FAM117B: variants seen among roughly 807,000 people sequenced by gnomAD.
The protein encoded by FAM117B is protein FAM117B.
A neutral mutation model predicts 52.8 loss-of-function variants in FAM117B; 22 were observed. The observed-to-expected ratio is 0.42, with a 90% CI of 0.30 to 0.59. FAM117B has a LOEUF of 0.59. Ranked by LOEUF, FAM117B falls within the 20% of genes least tolerant of loss-of-function variation. The probability of loss-of-function intolerance (pLI) is 0.22; values close to 1 mark genes in which losing one functional copy is unlikely to be tolerated. For synonymous variants in FAM117B, 309 were observed against 324.1 expected (o/e 0.95, Z 0.50); for missense variants, 678 against 802.6 (o/e 0.84, Z 1.88).
chr2:202,645,351 A>T (rs910707434), intron 1 of FAM117B, among the ~76,000 whole-genome samples: 1 of 150,580 alleles, frequency 6.6e-6, no homozygotes, highest in African/African-American at 2.5e-5. Context: ...TGCAGTGGCG[A>T]GATCTCGGCT....
At chr2:202,678,502 C>A (rs1690411646) in intron 1 of FAM117B, among the ~76,000 whole-genome samples, 1 of 152,134 alleles carries the variant, frequency 6.6e-6, no homozygotes, top group Non-Finnish European at 1.5e-5. Flanking sequence ...GCCATGTTGC[C>A]AGGCACATGT....
chr2:202,688,981 G>A (rs1690583105), intron 1 of FAM117B, among the ~76,000 whole-genome samples: 1 of 152,208 alleles, frequency 6.6e-6, no homozygotes, highest in African/African-American at 2.4e-5. Context: ...ATTAAACATA[G>A]TGATGTGTTG....
intron 4 of FAM117B, among the ~76,000 whole-genome samples, chr2:202,727,892 A>G (rs1691271354): frequency 6.6e-6 from 1 of 152,226 alleles, no homozygotes; most frequent in Non-Finnish European, 1.5e-5. Context: ...AATGGAAAGT[A>G]TGGGTAAAGG....
intron 5 of FAM117B, 98 bp from the exon 6 acceptor site, chr2:202,757,115 G>T: frequency 1.7e-6 from 2 of 1,181,220 alleles, no homozygotes; most frequent in Non-Finnish European, 2.4e-6. Flanking sequence ...TCTGATTTGT[G>T]AGTCTCTGGC....
At chr2:202,672,553 A>G (rs1035925641) in intron 1 of FAM117B, among the ~76,000 whole-genome samples, 2 of 152,140 alleles carry the variant, frequency 1.3e-5, no homozygotes, top group Admixed American at 1.3e-4. Context: ...ATTTCCTTTT[A>G]CAAACAGTAA....
intron 5 of FAM117B, among the ~76,000 whole-genome samples, chr2:202,756,470 A>G (rs1386898841): frequency 6.6e-6 from 1 of 152,210 alleles, no homozygotes; most frequent in African/African-American, 2.4e-5. Flanking sequence ...TTTAAAAACC[A>G]TGCCACAGAG....
At chr2:202,640,340 A>ATATATGTG (rs1371719386) in intron 1 of FAM117B, among the ~76,000 whole-genome samples, 6 of 105,732 alleles carry the variant, frequency 5.7e-5, no homozygotes, top group African/African-American at 2.2e-4. Flanking sequence ...ATATATATAT[A>ATATATGTG]TATGGCAAGT....
intron 2 of FAM117B, among the ~76,000 whole-genome samples, chr2:202,724,525 A>C (rs950894235): frequency 4.6e-5 from 7 of 152,248 alleles, no homozygotes; most frequent in Admixed American, 6.5e-5. Flanking sequence ...TGCCTAGCAC[A>C]TAAGAGCACA....
intron 4 of FAM117B, among the ~76,000 whole-genome samples, chr2:202,733,517 C>G (rs1691390928): frequency 6.6e-6 from 1 of 152,112 alleles, no homozygotes; most frequent in African/African-American, 2.4e-5. Context: ...AGACCTCCCC[C>G]CAGGAATGTA....
intron 1 of FAM117B, among the ~76,000 whole-genome samples, chr2:202,647,157 TAA>T (rs1406409994): frequency 6.6e-6 from 1 of 152,116 alleles, no homozygotes; most frequent in Non-Finnish European, 1.5e-5. Flanking sequence ...ATGAACTTAG[TAA>T]AGTTATTTTT....
At chr2:202,714,823 A>T (rs987807610) in intron 2 of FAM117B, among the ~76,000 whole-genome samples, 1 of 151,886 alleles carries the variant, frequency 6.6e-6, no homozygotes, top group Non-Finnish European at 1.5e-5. Context: ...GACACAGCAC[A>T]TGTTTCAGAG....
intron 1 of FAM117B, among the ~76,000 whole-genome samples, chr2:202,641,940 A>G (rs1689776135): frequency 7.1e-6 from 1 of 141,160 alleles, no homozygotes; most frequent in Admixed American, 7.3e-5. Flanking sequence ...CGCCTGGCAG[A>G]TATTTTCTTT....
chr2:202,708,817 T>C (rs1690916251), intron 2 of FAM117B, among the ~76,000 whole-genome samples: 1 of 152,188 alleles, frequency 6.6e-6, no homozygotes, highest in African/African-American at 2.4e-5. Context: ...TTGCCCAGGC[T>C]GATCATGAAC....
chr2:202,757,570 C>A (rs1691822010), intron 6 of FAM117B, 132 bp downstream of exon 6: 1 of 967,128 alleles, frequency 1.0e-6, no homozygotes, highest in African/African-American at 1.6e-5. Context: ...CCTAGGTTTT[C>A]AATTTGGAGT....
chr2:202,765,682 G>A lies in FAM117B; in HGVS notation c.1688G>A (p.Arg563Gln), dbSNP rs753517305. 9 of 1,614,122 alleles carry A rather than the reference G, an allele frequency of 5.6e-6. No homozygotes were observed. The highest frequency in any genetic ancestry group is 1.1e-5 in the South Asian group (1 of 91,080). ...CTGTCTACAAACACAGAGCAAGACC[G>A]AGTCTCTCGAGGAACAAGTACAGTC... ...ASLSTNTEQD[R>Q]VSRGTSTVMP... is the part of the protein sequence containing the mutation. The change falls in exon 8 of 8, where the codon CGA (arginine) becomes CAA (glutamine). Residue 563 changes from arginine to glutamine, a missense_variant. This residue lies in a region of FAM117B where 68 missense variants were observed against 80.6 expected (regional missense o/e 0.84). Transcript: ENST00000392238.
At chr2:202,730,141 A>C (rs559393124) in intron 4 of FAM117B, among the ~76,000 whole-genome samples, 1 of 152,306 alleles carries the variant, frequency 6.6e-6, no homozygotes, top group Non-Finnish European at 1.5e-5. Context: ...CATTATTGGC[A>C]TTCAATCCTC....
chr2:202,755,565 C>T lies in FAM117B; in HGVS notation c.988C>T (p.Pro330Ser). Residue 330 changes from proline to serine, a missense_variant, in exon 5 of 8, where the codon CCT becomes TCT. Physicochemically the swap from Pro to Ser is moderately conservative, Grantham distance 74. This residue lies in a region of FAM117B where 583 missense variants were observed against 644.8 expected (regional missense o/e 0.90). Transcript: ENST00000392238. ...QAPVPKSALI[P>S]VIPITKSTGS... Reference sequence around the variant, plus strand: ...TCCTGTTCCAAAGAGTGCACTTATTCCTGTAATTCCCATCACCAAATCAAC... The same window carrying T: ...TCCTGTTCCAAAGAGTGCACTTATTTCTGTAATTCCCATCACCAAATCAAC... The T allele has an allele frequency of 1.2e-6, 2 of 1,614,032 alleles. No individual in the cohort carries two copies. The highest frequency in any genetic ancestry group is 1.7e-6 in the Non-Finnish European group (2 of 1,179,966).
intron 1 of FAM117B, among the ~76,000 whole-genome samples, chr2:202,652,487 G>A (rs1283441476): frequency 2.0e-5 from 3 of 152,160 alleles, no homozygotes; most frequent in Non-Finnish European, 1.5e-5. Flanking sequence ...TAGAATTTAA[G>A]AAAGAGATAA....
In FAM117B at chr2:202,635,011, C is replaced by T. The variant is rs1689646861; in HGVS notation, c.-177C>T. 2.0e-5 allele frequency among the ~76,000 whole-genome samples: 3 copies of T among 152,038 alleles called. No homozygotes were observed. The South Asian group carries it at 6.2e-4, about 32-fold the overall frequency. On this transcript the variant is annotated 5_prime_UTR_variant, in exon 1 of 8. Coordinates refer to ENST00000392238, the MANE Select transcript of FAM117B (RefSeq NM_173511.4). ...TGATGAGGAGCGGCGGCGGCGGCGG[C>T]GGCGGCTGCACCACCTCGTTGCTGC...
Sources: allele counts gnomAD v4.1 joint callset (sites outside exome capture counted in the v4.1 genomes callset), GRCh38; gene constraint gnomAD v4.1.1; regional missense constraint gnomAD v4.1.1; transcripts MANE v1.5; gene names NCBI Gene and HGNC (gene_info 2026-07-23, HGNC 2026-07-21).